Variants in ZNF469 observed in about 807,000 individuals in gnomAD.
ZNF469 encodes zinc finger protein 469.
A neutral mutation model predicts 1.0 loss-of-function variants in ZNF469; 1 was observed. That is an observed-to-expected ratio of 1.00 (90% CI 0.35 to 4.73). ZNF469 has a LOEUF of 4.73. Among genes scored for constraint, ZNF469 ranks in the 30% most tolerant of loss-of-function variants. ZNF469 has a pLI of 0.16. For synonymous variants in ZNF469, 2,703 were observed against 2,363.4 expected (o/e 1.14, Z -4.17); for missense variants, 6,100 against 5,356.3 (o/e 1.14, Z -4.33).
chr16:88,274,248 A>G, the ZNF469 span, among the ~76,000 whole-genome samples: 14 of 152,220 alleles, frequency 9.2e-5, no homozygotes, highest in Non-Finnish European at 1.9e-4. Flanking sequence ...TAGAGCAGTG[A>G]GATTCACAGG....
chr16:88,226,722 C>G, the ZNF469 span, among the ~76,000 whole-genome samples: 1 of 151,266 alleles, frequency 6.6e-6, no homozygotes, highest in Non-Finnish European at 1.5e-5. Context: ...CAGGAGGGCC[C>G]GAAACAGGCC....
the ZNF469 span, among the ~76,000 whole-genome samples, chr16:88,103,857 G>A: frequency 6.6e-6 from 1 of 151,270 alleles, no homozygotes; most frequent in Non-Finnish European, 1.5e-5. Flanking sequence ...GCACGGAGGG[G>A]GTGGAATGAT....
chr16:88,143,145 G>A, the ZNF469 span, among the ~76,000 whole-genome samples: 7 of 152,122 alleles, frequency 4.6e-5, no homozygotes, highest in Admixed American at 3.3e-4. Flanking sequence ...GGGGTGGGGG[G>A]CTCAGCGGCC....
At chr16:88,330,505 C>A in the ZNF469 span, among the ~76,000 whole-genome samples, 7 of 152,222 alleles carry the variant, frequency 4.6e-5, no homozygotes, top group African/African-American at 1.4e-4. Flanking sequence ...GAGCAACAGT[C>A]ACAAAACAAT....
chr16:88,366,997 C>T, the ZNF469 span, among the ~76,000 whole-genome samples: 1 of 152,112 alleles, frequency 6.6e-6, no homozygotes, highest in African/African-American at 2.4e-5. Context: ...CCTCCATCCT[C>T]ATTACTAGCA....
the ZNF469 span, among the ~76,000 whole-genome samples, chr16:88,309,790 T>C: frequency 6.6e-6 from 1 of 151,972 alleles, no homozygotes; most frequent in African/African-American, 2.4e-5. Context: ...TGTGGTTCAC[T>C]CTCCTCAAAT....
chr16:88,215,103 G>T, the ZNF469 span, among the ~76,000 whole-genome samples: 9 of 151,980 alleles, frequency 5.9e-5, no homozygotes, highest in Non-Finnish European at 1.0e-4. Flanking sequence ...ATTCTGTCAG[G>T]CATGTCTATT....
chr16:88,270,389 G>A, the ZNF469 span, among the ~76,000 whole-genome samples: 45 of 152,280 alleles, frequency 3.0e-4, no homozygotes, highest in East Asian at 7.1e-3. Context: ...CCATGTGGCC[G>A]GCCAGCTCAC....
intron 1 of ZNF469, among the ~76,000 whole-genome samples, chr16:88,401,539 G>GTGAGTGAA (rs1904858545): frequency 7.6e-5 from 5 of 65,860 alleles, no homozygotes; most frequent in Admixed American, 1.3e-4. Flanking sequence ...GGATGCATGG[G>GTGAGTGAA]TGGATGGATG....
At chr16:88,254,309 C>G in the ZNF469 span, among the ~76,000 whole-genome samples, 3 of 152,134 alleles carry the variant, frequency 2.0e-5, no homozygotes, top group Admixed American at 2.0e-4. Context: ...TACTAAAAGT[C>G]AGTTGTATAT....
At chr16:88,203,968 A>T in the ZNF469 span, among the ~76,000 whole-genome samples, 1 of 152,192 alleles carries the variant, frequency 6.6e-6, no homozygotes, top group Non-Finnish European at 1.5e-5. Context: ...AGCCCCAGAG[A>T]GCAGCTGGAG....
the ZNF469 span, among the ~76,000 whole-genome samples, chr16:88,185,295 ACACT>A: frequency 3.9e-5 from 6 of 152,174 alleles, no homozygotes; most frequent in Non-Finnish European, 5.9e-5. Context: ...ACACACAGGC[ACACT>A]CAAACTCTCA....
chr16:88,142,260 G>C, the ZNF469 span, among the ~76,000 whole-genome samples: 1 of 152,218 alleles, frequency 6.6e-6, no homozygotes, highest in Non-Finnish European at 1.5e-5. Context: ...GCTGCCCTGG[G>C]AGGGTGAGCA....
rs571184307 is a variant in ZNF469 at position 88,429,602 on chromosome 16, C to G, written c.2132C>G (p.Pro711Arg). 3.2e-4 allele frequency: 500 copies of G among 1,548,946 alleles called. No individual in the cohort carries two copies. The highest frequency in any genetic ancestry group is 1.3e-3 in the Admixed American group (66 of 50,942). Residue 711 changes from proline to arginine, a missense_variant, in exon 3 of 3, where the codon CCG (proline) becomes CGG (arginine). Coordinates refer to ENST00000565624, the MANE Select transcript of ZNF469 (RefSeq NM_001367624.2). Reference protein sequence around the residue: ...GLQGFPRAPPPYPTHHFSLSS... With the variant: ...GLQGFPRAPPRYPTHHFSLSS... Reference sequence around the variant, plus strand: ...CAGGGCTTCCCCCGTGCGCCGCCTCCGTACCCCACACACCACTTCTCCCTC... The same window carrying G: ...CAGGGCTTCCCCCGTGCGCCGCCTCGGTACCCCACACACCACTTCTCCCTC...
the ZNF469 span, among the ~76,000 whole-genome samples, chr16:88,329,750 A>G: frequency 1.3e-5 from 2 of 152,248 alleles, no homozygotes; most frequent in African/African-American, 4.8e-5. Context: ...GTTCTTAACA[A>G]CATTTGTGCT....
At chr16:88,293,544 G>C in the ZNF469 span, among the ~76,000 whole-genome samples, 1 of 152,122 alleles carries the variant, frequency 6.6e-6, no homozygotes, top group Non-Finnish European at 1.5e-5. Flanking sequence ...TTACTAAATG[G>C]AAAGGGAAAT....
chr16:88,133,085 T>C, the ZNF469 span, among the ~76,000 whole-genome samples: 1 of 152,224 alleles, frequency 6.6e-6, no homozygotes, highest in South Asian at 2.1e-4. Flanking sequence ...GCCCTTCTTG[T>C]GCACCGTAGC....
the ZNF469 span, among the ~76,000 whole-genome samples, chr16:88,241,177 G>C: frequency 2.6e-5 from 4 of 152,240 alleles, no homozygotes; most frequent in Non-Finnish European, 5.9e-5. The surrounding 1 kb of genome is among the most constrained non-coding windows in gnomAD (Gnocchi z 4.8). Context: ...AGATCAGCCT[G>C]AGCAACATGA....
the ZNF469 span, among the ~76,000 whole-genome samples, chr16:88,147,769 A>AG: frequency 2.6e-5 from 4 of 152,154 alleles, no homozygotes; most frequent in African/African-American, 9.7e-5. Flanking sequence ...TGGTCATCAC[A>AG]GGGGCTTCCT....
Sources: gnomAD v4.1 joint callset for allele counts (sites outside exome capture counted in the v4.1 genomes callset) on GRCh38, gnomAD v4.1.1 for gene constraint, Gnocchi (gnomAD v3.1) non-coding constraint, MANE v1.5 for transcripts, NCBI Gene and HGNC (gene_info 2026-07-23, HGNC 2026-07-21) for gene names.